The following PRKCI variants were observed in gnomAD, a reference collection of about 807,000 sequenced individuals.
The protein encoded by PRKCI is protein kinase C iota type.
Under a neutral mutation model 84.0 loss-of-function variants are expected in PRKCI, and 43 were observed. That is an observed-to-expected ratio of 0.51 (90% CI 0.40 to 0.66). The LOEUF (loss-of-function observed/expected upper bound fraction) is 0.66, where lower values mean the gene tolerates loss of function less well. Among genes scored for constraint, PRKCI ranks in the 30% least tolerant of loss-of-function variants. The pLI, the probability that PRKCI is intolerant of heterozygous loss-of-function variation, is 0.00. For synonymous variants in PRKCI, 216 were observed against 234.4 expected, an observed-to-expected ratio of 0.92 and a Z score of 0.72; for missense variants, 459 against 745.6, an observed-to-expected ratio of 0.62 and a Z score of 4.48.
intron 17 of PRKCI, among the ~76,000 whole-genome samples, chr3:170,299,739 G>A (rs1734777387): frequency 1.3e-5 from 2 of 152,216 alleles, no homozygotes; most frequent in South Asian, 4.1e-4. Context: ...CTATCAGGTG[G>A]CAGAGTCAGG....
chr3:170,285,307 C>G (rs939484583), intron 12 of PRKCI, among the ~76,000 whole-genome samples: 1 of 152,094 alleles, frequency 6.6e-6, no homozygotes, highest in Non-Finnish European at 1.5e-5. Context: ...TCTCAATCTC[C>G]TGATCTCATG....
At chr3:170,234,706 A>G (rs2108836927) in intron 1 of PRKCI, among the ~76,000 whole-genome samples, 1 of 152,314 alleles carries the variant, frequency 6.6e-6, no homozygotes. Context: ...CTCTTTTGTC[A>G]TTAAAATAAG....
At chr3:170,258,052 A>T (rs1420125498) in intron 2 of PRKCI, among the ~76,000 whole-genome samples, 1 of 152,028 alleles carries the variant, frequency 6.6e-6, no homozygotes, top group Non-Finnish European at 1.5e-5. Context: ...GGAACAGAGG[A>T]GCTCAGAGAA....
chr3:170,241,236 A>G, intron 2 of PRKCI, among the ~76,000 whole-genome samples: 1 of 152,300 alleles, frequency 6.6e-6, no homozygotes, highest in Non-Finnish European at 1.5e-5. Flanking sequence ...AATACACAAT[A>G]CATTATTATG....
intron 12 of PRKCI, among the ~76,000 whole-genome samples, chr3:170,287,055 T>G (rs1443560009): frequency 6.6e-6 from 1 of 151,950 alleles, no homozygotes; most frequent in African/African-American, 2.4e-5. Context: ...AAAAAATACA[T>G]AACACATGAT....
At chr3:170,260,084 G>C in intron 3 of PRKCI, 26 bp downstream of exon 3, 1 of 1,395,682 alleles carries the variant, frequency 7.2e-7, no homozygotes, top group Non-Finnish European at 1.0e-6. Context: ...TTTCATACTC[G>C]TCCAGACTGA....
chr3:170,289,079 G>A (rs1287991753), intron 12 of PRKCI, among the ~76,000 whole-genome samples: 1 of 152,148 alleles, frequency 6.6e-6, no homozygotes, highest in Non-Finnish European at 1.5e-5. Context: ...TTATGCTGCA[G>A]AAAACTTAGC....
chr3:170,234,190 C>T (rs1732882760), intron 1 of PRKCI, among the ~76,000 whole-genome samples: 1 of 152,146 alleles, frequency 6.6e-6, no homozygotes, highest in Non-Finnish European at 1.5e-5. Flanking sequence ...TGCCACCACA[C>T]CCAGCAAATT....
intron 2 of PRKCI, among the ~76,000 whole-genome samples, chr3:170,241,163 T>C (rs1410902015): frequency 6.6e-6 from 1 of 152,218 alleles, no homozygotes; most frequent in Non-Finnish European, 1.5e-5. Flanking sequence ...ACACATCTAT[T>C]ACCTCAAATA....
At chr3:170,240,725 G>A (rs1187719568) in intron 2 of PRKCI, among the ~76,000 whole-genome samples, 1 of 152,204 alleles carries the variant, frequency 6.6e-6, no homozygotes, top group Non-Finnish European at 1.5e-5. Context: ...TCTGGCATAT[G>A]AGAAGTGCTG....
At chr3:170,232,452 A>G (rs1019269220) in intron 1 of PRKCI, among the ~76,000 whole-genome samples, 4 of 152,208 alleles carry the variant, frequency 2.6e-5, no homozygotes, top group South Asian at 2.1e-4. Flanking sequence ...TGCAGCCTCA[A>G]CTTCCTGGGC....
At chr3:170,296,995 C>T (rs1734700790) in intron 15 of PRKCI, among the ~76,000 whole-genome samples, 1 of 152,174 alleles carries the variant, frequency 6.6e-6, no homozygotes. Context: ...CACACTAGGT[C>T]ATGCAAAGAA....
At chr3:170,295,444 G>A (rs568513683) in intron 14 of PRKCI, among the ~76,000 whole-genome samples, 16 of 152,002 alleles carry the variant, frequency 1.1e-4, no homozygotes, top group African/African-American at 3.4e-4. Flanking sequence ...TGAGGTGGGC[G>A]GATCACTTAC....
intron 17 of PRKCI, among the ~76,000 whole-genome samples, chr3:170,301,609 A>G (rs576426664): frequency 3.0e-4 from 45 of 152,194 alleles, no homozygotes; most frequent in African/African-American, 1.1e-3. Flanking sequence ...TTAACAGATT[A>G]CATAATACCT....
intron 6 of PRKCI, among the ~76,000 whole-genome samples, chr3:170,271,865 G>T (rs1006805422): frequency 3.3e-5 from 5 of 152,030 alleles, no homozygotes; most frequent in African/African-American, 1.2e-4. Flanking sequence ...ACAGAGCCTC[G>T]CTCTGTCTTC....
intron 12 of PRKCI, among the ~76,000 whole-genome samples, chr3:170,288,149 G>C (rs891428111): frequency 5.9e-5 from 9 of 151,826 alleles, no homozygotes; most frequent in African/African-American, 1.7e-4. Flanking sequence ...GGGAGGCTGA[G>C]GCAGGAGAAT....
At chr3:170,234,372 G>A (rs746410575) in intron 1 of PRKCI, among the ~76,000 whole-genome samples, 2 of 152,100 alleles carry the variant, frequency 1.3e-5, no homozygotes, top group Non-Finnish European at 2.9e-5. Flanking sequence ...TGTCTTAAAA[G>A]TATTTGTATG....
intron 15 of PRKCI, 67 bp downstream of exon 15, chr3:170,296,057 C>A: frequency 1.1e-6 from 1 of 922,976 alleles, no homozygotes; most frequent in Non-Finnish European, 1.5e-6. Context: ...TGGTCAGTAG[C>A]GGTTTGGGAA....
At chr3:170,280,790 A>C (rs1312148419) in intron 9 of PRKCI, among the ~76,000 whole-genome samples, 2 of 152,206 alleles carry the variant, frequency 1.3e-5, no homozygotes, top group African/African-American at 4.8e-5. Context: ...TTTGTGCTTT[A>C]TTATCTCATT....
Sources: gnomAD v4.1 joint callset for allele counts (sites outside exome capture counted in the v4.1 genomes callset) on GRCh38, gnomAD v4.1.1 for gene constraint, MANE v1.5 for transcripts, NCBI Gene and HGNC (gene_info 2026-07-23, HGNC 2026-07-21) for gene names.